Variants in MAP4 observed in about 807,000 individuals in gnomAD.
The protein encoded by MAP4 is microtubule-associated protein 4.
MAP4 carries 76 observed loss-of-function variants against 170.2 expected under a neutral mutation model. The ratio of observed to expected loss-of-function variants is 0.45; its 90% CI spans 0.37 to 0.54. The LOEUF (loss-of-function observed/expected upper bound fraction) is 0.54, where lower values mean the gene tolerates loss of function less well. MAP4 is among the 20% of genes least tolerant of loss of function. The pLI, the probability that MAP4 is intolerant of heterozygous loss-of-function variation, is 0.00. For synonymous variants in MAP4, 909 were observed against 994.5 expected, an observed-to-expected ratio of 0.91 and a Z score of 1.62; for missense variants, 2,506 against 2,748.0, an observed-to-expected ratio of 0.91 and a Z score of 1.97.
chr3:47,866,035 G>A (rs796843514), intron 17 of MAP4, among the ~76,000 whole-genome samples: 1 of 152,096 alleles, frequency 6.6e-6, no homozygotes. Flanking sequence ...GAGGAAAGAG[G>A]ACAAAAAGAT....
intron 10 of MAP4, chr3:47,891,825 T>C: frequency 6.5e-7 from 1 of 1,536,322 alleles, no homozygotes; most frequent in Non-Finnish European, 8.7e-7. Flanking sequence ...TGCTCAGAGT[T>C]ATCATTTACC....
Position 47,917,056 on chromosome 3 carries a change from C to T in MAP4, c.771G>A (p.Glu257=). 1.2e-6 allele frequency: 2 copies of T among 1,614,204 alleles called. No individual in the cohort carries two copies. The highest frequency in any genetic ancestry group is 1.7e-6 in the Non-Finnish European group (2 of 1,180,038). The change falls in exon 7 of 21, where the codon GAG becomes GAA. Residue 257 remains glutamate (E), a synonymous_variant. Transcript: ENST00000683076. The part of the protein sequence containing the change: ...TTDMAPSKET[E]MALAKDMALA... ...GTGCCATGTCCTTGGCGAGGGCCAT[C>T]TCTGTTTCTTTAGATGGTGCCATGT... is the stretch of plus-strand genomic sequence containing the variant.
intron 1 of MAP4, among the ~76,000 whole-genome samples, chr3:48,011,782 T>C (rs890906942): frequency 1.1e-4 from 16 of 152,164 alleles, no homozygotes; most frequent in Non-Finnish European, 8.8e-5. Flanking sequence ...AAAGCAACTA[T>C]TCAGTTGCTT....
At chr3:47,987,754 A>G (rs1225844420) in intron 2 of MAP4, among the ~76,000 whole-genome samples, 1 of 152,194 alleles carries the variant, frequency 6.6e-6, no homozygotes, top group Non-Finnish European at 1.5e-5. Flanking sequence ...CCCTGGAGTA[A>G]TACTGGATTT....
chr3:48,081,052 A>G (rs2100146414), intron 1 of MAP4, among the ~76,000 whole-genome samples: 1 of 152,212 alleles, frequency 6.6e-6, no homozygotes, highest in Non-Finnish European at 1.5e-5. Context: ...TGAACCCGGG[A>G]GGCAGAGCTT....
At chr3:47,888,470 C>T (rs190727743) in intron 10 of MAP4, among the ~76,000 whole-genome samples, 5 of 152,022 alleles carry the variant, frequency 3.3e-5, no homozygotes, top group East Asian at 3.9e-4. Context: ...CAACTCCAGA[C>T]GCGCTGCCTT....
At position 47,909,833 on chromosome 3, in the gene MAP4, T is replaced by C; in HGVS notation, c.4588A>G (p.Lys1530Glu). 6.2e-7 allele frequency: 1 copy of C among 1,614,072 alleles called. No individual in the cohort carries two copies. The highest frequency in any genetic ancestry group is 8.5e-7 in the Non-Finnish European group (1 of 1,179,888). The part of the protein sequence containing the change: ...NIHGDHSLKN[K>E]AELADSMKNE... ...TTCATGGAATCAGCAAGCTCAGCTTTATTCTTAAGAGAGTGATCTCCATGA... is the reference window on the plus strand; with the variant it reads ...TTCATGGAATCAGCAAGCTCAGCTTCATTCTTAAGAGAGTGATCTCCATGA... Residue 1530 changes from lysine (K) to glutamate (E), a missense_variant, in exon 9 of 21, where the codon AAA (lysine) becomes GAA (glutamate). Lys to Glu is a moderately conservative substitution (Grantham distance 56, BLOSUM62 1). Around this residue, in one of 3 missense-constraint regions of MAP4, gnomAD observed 2,008 missense variants for 2,206.0 expected, o/e 0.91. Transcript: ENST00000683076.
intron 3 of MAP4, chr3:47,974,777 AT>A: frequency 1.1e-6 from 1 of 948,244 alleles, no homozygotes; most frequent in Non-Finnish European, 1.3e-6. Flanking sequence ...AAAAAAAAAA[AT>A]TTGGCCCAAC....
chr3:47,969,415 C>G (rs1333215782), intron 3 of MAP4, among the ~76,000 whole-genome samples: 2 of 38,980 alleles, frequency 5.1e-5, no homozygotes, highest in African/African-American at 1.1e-4. Flanking sequence ...TCGCGGGGCG[C>G]GGGGAGAGAA....
intron 3 of MAP4, among the ~76,000 whole-genome samples, chr3:47,976,085 C>T (rs571130280): frequency 6.6e-5 from 10 of 152,264 alleles, no homozygotes; most frequent in South Asian, 2.1e-4. Context: ...CCACCGCGCC[C>T]GGCCTAGTAT....
intron 3 of MAP4, among the ~76,000 whole-genome samples, chr3:47,977,127 G>C (rs572526052): frequency 3.1e-4 from 47 of 152,208 alleles, no homozygotes; most frequent in Non-Finnish European, 5.7e-4. Context: ...ATTTGGGTTA[G>C]CAGTGTTGGC....
intron 1 of MAP4, among the ~76,000 whole-genome samples, chr3:48,088,203 A>T (rs1180331420): frequency 1.5e-5 from 1 of 65,638 alleles, no homozygotes; most frequent in Non-Finnish European, 2.9e-5. Context: ...ACCCTTTCGC[A>T]CTCCCACTGC....
At chr3:47,908,044 T>C (rs968909506) in intron 9 of MAP4, among the ~76,000 whole-genome samples, 3 of 141,132 alleles carry the variant, frequency 2.1e-5, no homozygotes, top group African/African-American at 7.4e-5. Context: ...TAAAACCAAT[T>C]GGTGTTTTTT....
intron 3 of MAP4, chr3:47,975,325 C>T: frequency 6.5e-7 from 1 of 1,534,980 alleles, no homozygotes; most frequent in Non-Finnish European, 8.8e-7. Context: ...AAGAACTACC[C>T]TCAGTTTCTT....
At chr3:48,050,796 T>A (rs536226499) in intron 1 of MAP4, among the ~76,000 whole-genome samples, 5 of 151,030 alleles carry the variant, frequency 3.3e-5, no homozygotes, top group African/African-American at 1.2e-4. Context: ...TCCCAGCTAC[T>A]CGGGAGGCTG....
At chr3:48,079,823 A>G (rs1478547565) in intron 1 of MAP4, among the ~76,000 whole-genome samples, 9 of 151,740 alleles carry the variant, frequency 5.9e-5, no homozygotes, top group Non-Finnish European at 1.0e-4. Flanking sequence ...GGTGGCAGGT[A>G]CTTGTAGTCC....
Position 48,087,919 on chromosome 3 carries a change from G to A in MAP4, c.-20+854C>T, listed in dbSNP as rs556262777. Among the ~76,000 whole-genome samples the A allele has an allele frequency of 2.0e-5, 3 of 152,208 alleles. No homozygotes were observed. The East Asian group carries it at 5.8e-4, about 29-fold the overall frequency. ...GCTGGGTAACACTAACCTTCGCGAG[G>A]AACACGTATTTCATCCGAGCTTGGG... On this transcript the variant is annotated intron_variant, in intron 1 of 18. Coordinates refer to the MAP4 transcript ENST00000360240.
rs1420138203 is a variant in MAP4 at position 47,955,233 on chromosome 3, C to T, written c.292+22632G>A. Among the ~76,000 whole-genome samples the T allele has an allele frequency of 5.9e-5, 9 of 152,038 alleles. No individual in the cohort carries two copies. In the South Asian group the frequency reaches 6.2e-4, roughly 11 times the overall value. On this transcript the variant is annotated intron_variant, in intron 3 of 20. Coordinates refer to ENST00000683076, the MANE Select transcript of MAP4 (RefSeq NM_001385682.1). Reference sequence around the variant, plus strand: ...TACTGGAGCAAATCAACATGGGTCACGGCACTTGGTATACTGCTATTAACC... The same window carrying T: ...TACTGGAGCAAATCAACATGGGTCATGGCACTTGGTATACTGCTATTAACC...
chr3:47,998,041 CT>C (rs1258894118), intron 2 of MAP4, among the ~76,000 whole-genome samples: 2 of 152,118 alleles, frequency 1.3e-5, no homozygotes, highest in African/African-American at 4.8e-5. Flanking sequence ...GCAAACTATT[CT>C]AGAAAAGAGA....
Sources: allele counts gnomAD v4.1 joint callset (sites outside exome capture counted in the v4.1 genomes callset), GRCh38; gene constraint gnomAD v4.1.1; regional missense constraint gnomAD v4.1.1; transcripts MANE v1.5; gene names NCBI Gene and HGNC (gene_info 2026-07-23, HGNC 2026-07-21).